PHC1: variants seen among roughly 807,000 people sequenced by gnomAD.
PHC1 encodes the protein polyhomeotic-like protein 1.
A neutral mutation model predicts 104.3 loss-of-function variants in PHC1; 12 were observed. The ratio of observed to expected loss-of-function variants is 0.12; its 90% CI spans 0.07 to 0.19. PHC1 has a LOEUF of 0.19. Ranked by LOEUF, PHC1 falls within the 10% of genes least tolerant of loss-of-function variation. The pLI is 1.00. For synonymous variants in PHC1, 302 were observed against 455.8 expected, an observed-to-expected ratio of 0.66 and a Z score of 4.30; for missense variants, 671 against 1,200.0, an observed-to-expected ratio of 0.56 and a Z score of 6.51.
At chr12:8,932,473 C>A (rs1401525648) in intron 7 of PHC1, 90 bp from the exon 8 acceptor site, 15 of 1,406,180 alleles carry the variant, frequency 1.1e-5, no homozygotes, top group Non-Finnish European at 1.4e-5. Flanking sequence ...CTAGGTTATA[C>A]CTTGGAAAAA....
chr12:8,935,257 A>T lies in PHC1; in HGVS notation c.2368+19A>T. ...TCTGCTGGTGAGCATTTATTTAGAG[A>T]CTCATTTGGGGGAAGGAGACTCGTG... On this transcript the variant is annotated intron_variant, in intron 11 of 14. Coordinates refer to ENST00000544916, the MANE Select transcript of PHC1 (RefSeq NM_004426.3). 1 of 1,341,740 alleles carries T rather than the reference A, an allele frequency of 7.5e-7. No homozygotes were observed. Among genetic ancestry groups the T allele is most frequent in the Non-Finnish European group, 1.1e-6 (1 of 952,282 alleles). 83.1% of individuals were successfully genotyped at this position (1,341,740 alleles called of 1,614,324 possible). A position where few individuals can be genotyped will look rare whatever the true frequency, so the allele number is the denominator to read the frequency against.
At chr12:8,914,332 A>G (rs896518359), upstream of PHC1, among the ~76,000 whole-genome samples, 1 of 152,058 alleles carries the variant, frequency 6.6e-6, no homozygotes, top group Non-Finnish European at 1.5e-5. Flanking sequence ...AAGAGAGGAA[A>G]AAACCCCTGG....
intron 11 of PHC1, among the ~76,000 whole-genome samples, chr12:8,936,313 T>G (rs1458414347): frequency 1.3e-5 from 2 of 151,810 alleles, no homozygotes; most frequent in African/African-American, 4.8e-5. Flanking sequence ...GCCCGGGAGG[T>G]GGAGGTTGCA....
chr12:8,939,209 G>A (rs1409077384), intron 14 of PHC1, 96 bp from the exon 15 acceptor site: 2 of 1,430,658 alleles, frequency 1.4e-6, no homozygotes, highest in African/African-American at 1.4e-5. Flanking sequence ...TTTAGGACAG[G>A]TACTTTGGAA....
chr12:8,917,677 C>G lies in PHC1; in HGVS notation c.-1C>G, dbSNP rs766657343. The G allele has an allele frequency of 6.6e-7, 1 of 1,522,756 alleles. No individual in the cohort carries two copies. Among genetic ancestry groups the G allele is most frequent in the Non-Finnish European group, 8.9e-7 (1 of 1,129,624 alleles). The allele number at this position is 1,522,756 out of a possible 1,614,324, so 94.3% of individuals were successfully genotyped here. Reference sequence around the variant, plus strand: ...AGCCTTGGGGACCCTGGACCACTATCATGGAGACTGAGAGCGAGCAGAACT... The same window carrying G: ...AGCCTTGGGGACCCTGGACCACTATGATGGAGACTGAGAGCGAGCAGAACT... On this transcript the variant is annotated 5_prime_UTR_variant, in exon 2 of 15. The change creates a new upstream start codon in the 5' untranslated region. Transcript: ENST00000544916.
chr12:8,937,416 G>A, intron 13 of PHC1, 90 bp downstream of exon 13: 2 of 1,211,170 alleles, frequency 1.7e-6, no homozygotes, highest in Non-Finnish European at 1.1e-6. Context: ...GTAAGAGGGT[G>A]TGAGATGAGA....
At position 8,930,555 on chromosome 12, in the gene PHC1, A is replaced by G; in HGVS notation, c.733A>G (p.Ser245Gly). The G allele has an allele frequency of 6.4e-7, 1 of 1,570,720 alleles. No homozygotes were observed. The change falls in exon 7 of 15, where the codon AGC becomes GGC. Residue 245 changes from serine to glycine, a missense_variant. Physicochemically the swap from Ser to Gly is moderately conservative, Grantham distance 56 (BLOSUM62 0). Coordinates refer to ENST00000544916, the MANE Select transcript of PHC1 (RefSeq NM_004426.3). The part of the protein sequence containing the change: ...SPVSSLSQAS[S>G]QALAVAQASS... ...TGTCTCTAGCCTCTCCCAGGCCTCT[A>G]GCCAGGCCCTAGCGGTGGCACAGGC...
At chr12:8,935,773 T>G (rs1945819525) in intron 11 of PHC1, among the ~76,000 whole-genome samples, 1 of 152,136 alleles carries the variant, frequency 6.6e-6, no homozygotes, top group South Asian at 2.1e-4. Flanking sequence ...TTATTATTTT[T>G]TTTTGAGACG....
chr12:8,929,421 C>A (rs1945618910), intron 6 of PHC1, among the ~76,000 whole-genome samples: 1 of 152,092 alleles, frequency 6.6e-6, no homozygotes. Context: ...TGCTTTATTT[C>A]TTTCCATTCC....
At position 8,933,309 on chromosome 12, in the gene PHC1, C is replaced by G; in HGVS notation, c.1852C>G (p.Gln618Glu). 6.7e-7 allele frequency: 1 copy of G among 1,499,320 alleles called. No homozygotes were observed. The highest frequency in any genetic ancestry group is 8.9e-7 in the Non-Finnish European group (1 of 1,120,564). The allele number at this position is 1,499,320 out of a possible 1,614,324, so 92.9% of individuals were successfully genotyped here. A position where few individuals can be genotyped will look rare whatever the true frequency, so the allele number is the denominator to read the frequency against. Residue 618 changes from glutamine to glutamate, a missense_variant, in exon 8 of 15, where the codon CAG becomes GAG. Coordinates refer to ENST00000544916, the MANE Select transcript of PHC1 (RefSeq NM_004426.3). ...GATTSSPVVA[Q>E]VPAAFYMQSV... Reference sequence around the variant, plus strand: ...TACCACCTCCTCACCTGTTGTAGCCCAGGTCCCTGCTGCCTTCTATATGCA... The same window carrying G: ...TACCACCTCCTCACCTGTTGTAGCCGAGGTCCCTGCTGCCTTCTATATGCA...
In PHC1 at chr12:8,939,901, A is replaced by G; in HGVS notation, c.*442A>G. Reference sequence around the variant, plus strand: ...GGGTTTTTCTAGCTTGTGTGACAGAAGTAGCAAAATCTGGTCCTCCCCCCT... The same window carrying G: ...GGGTTTTTCTAGCTTGTGTGACAGAGGTAGCAAAATCTGGTCCTCCCCCCT... On this transcript the variant is annotated 3_prime_UTR_variant, in exon 15 of 15. Coordinates refer to ENST00000544916, the MANE Select transcript of PHC1 (RefSeq NM_004426.3). 2.2e-6 allele frequency: 1 copy of G among 456,934 alleles called. No homozygotes were observed. The highest frequency in any genetic ancestry group is 4.4e-6 in the Non-Finnish European group (1 of 227,340). 28.3% of individuals were successfully genotyped at this position (456,934 alleles called of 1,614,324 possible).
intron 7 of PHC1, among the ~76,000 whole-genome samples, chr12:8,931,820 TACTC>T (rs1475513133): frequency 6.6e-6 from 1 of 152,234 alleles, no homozygotes; most frequent in Non-Finnish European, 1.5e-5. Flanking sequence ...TTAGATAATT[TACTC>T]ACAAAAAAAT....
rs779013224 is a variant in PHC1 at position 8,934,001 on chromosome 12, G to T, written c.2030G>T (p.Ser677Ile). 6.2e-7 allele frequency: 1 copy of T among 1,614,168 alleles called. No homozygotes were observed. Among genetic ancestry groups the T allele is most frequent in the Admixed American group, 1.7e-5 (1 of 60,028 alleles). The change falls in exon 9 of 15, where the codon AGC becomes ATC. Residue 677 changes from serine (S) to isoleucine (I), a missense_variant. By Grantham distance (142) the Ser-to-Ile change is moderately radical (BLOSUM62 -2). This residue lies in a region of PHC1 where 95 missense variants were observed against 108.8 expected (regional missense o/e 0.87). Transcript: ENST00000544916. The part of the protein sequence containing the change: ...AESPKVMDEK[S>I]SLGEKAESVA... ...AGCCCAAAAGTCATGGACGAGAAGA[G>T]CAGTCTTGGAGGTGAGTAACTGACT...
intron 6 of PHC1, among the ~76,000 whole-genome samples, chr12:8,927,078 T>A (rs899406857): frequency 4.6e-5 from 7 of 152,160 alleles, no homozygotes; most frequent in Non-Finnish European, 1.0e-4. Context: ...TAGGAAAATC[T>A]GGACTGTAGT....
chr12:8,932,783 C>G lies in PHC1; in HGVS notation c.1326C>G (p.Ala442=). ...AGCAGCAACAGCAGCAGCCGCAAGC[C>G]ACCACCCTCACTGCCCCTCAGCCAC... The part of the protein sequence containing the change: ...QQQQQQQQPQ[A]TTLTAPQPPQ... Residue 442 remains alanine, a synonymous_variant, in exon 8 of 15, where the codon GCC becomes GCG. Coordinates refer to ENST00000544916, the MANE Select transcript of PHC1 (RefSeq NM_004426.3). The G allele has an allele frequency of 6.4e-7, 1 of 1,558,384 alleles. No homozygotes were observed. The highest frequency in any genetic ancestry group is 1.7e-4 in the Middle Eastern group (1 of 5,958).
rs374755322 is a variant in PHC1, at chr12:8,933,893, G to T, written c.1922G>T (p.Arg641Leu). The stretch of plus-strand genomic sequence containing the variant: ...AAACCCCAGACATTGGCTGTCAAAC[G>T]CAAGGCTGACTCTGAGGAGGAGAGA... The part of the protein sequence containing the change: ...PGKPQTLAVK[R>L]KADSEEERDD... Residue 641 changes from arginine to leucine, a missense_variant, in exon 9 of 15, where the codon CGC (arginine) becomes CTC (leucine). By Grantham distance (102) the Arg-to-Leu change is moderately radical. This residue lies in a region of PHC1 where 95 missense variants were observed against 108.8 expected (regional missense o/e 0.87). Coordinates refer to ENST00000544916, the MANE Select transcript of PHC1 (RefSeq NM_004426.3). 48 of 1,613,100 alleles carry T rather than the reference G, an allele frequency of 3.0e-5. No homozygotes were observed. Among genetic ancestry groups the T allele is most frequent in the Non-Finnish European group, 4.0e-5 (47 of 1,179,190 alleles).
rs537343399 is a variant in PHC1, at chr12:8,918,653, A to G, written c.114+862A>G. Reference sequence around the variant, plus strand: ...CAGCTTTTTTTCTTATTTTCTTTACATTAATCGGCATTTTGTTTATTTTCA... The same window carrying G: ...CAGCTTTTTTTCTTATTTTCTTTACGTTAATCGGCATTTTGTTTATTTTCA... On this transcript the variant is annotated intron_variant, in intron 2 of 14. Coordinates refer to ENST00000544916, the MANE Select transcript of PHC1 (RefSeq NM_004426.3). 5.3e-5 allele frequency among the ~76,000 whole-genome samples: 8 copies of G among 152,108 alleles called. 1 individual carries two copies. The highest frequency in any genetic ancestry group is 3.4e-3 in the Middle Eastern group (1 of 294).
chr12:8,936,827 T>C (rs1315757355), intron 11 of PHC1, 29 bp from the exon 12 acceptor site: 1 of 1,386,702 alleles, frequency 7.2e-7, no homozygotes. Context: ...AAACCCATGG[T>C]GACTGTCCAG....
At chr12:8,914,908 A>G (rs1945155312) in intron 1 of PHC1, 81 bp downstream of exon 1, 1 of 153,678 alleles carries the variant, frequency 6.5e-6, no homozygotes, top group African/African-American at 2.4e-5. Context: ...AGCCACCTCC[A>G]TCTGTGTAAC....
Sources: gnomAD v4.1 joint callset for allele counts (sites outside exome capture counted in the v4.1 genomes callset) on GRCh38, gnomAD v4.1.1 for gene constraint, gnomAD v4.1.1 regional missense constraint, MANE v1.5 for transcripts, NCBI Gene and HGNC (gene_info 2026-07-23, HGNC 2026-07-21) for gene names.